The following CARD14 variants were observed in gnomAD, a reference collection of about 807,000 sequenced individuals.
The protein encoded by CARD14 is caspase recruitment domain family member 14, also known as caspase recruitment domain-containing protein 14.
A neutral mutation model predicts 111.5 loss-of-function variants in CARD14; 107 were observed. The ratio of observed to expected loss-of-function variants is 0.96; its 90% CI spans 0.82 to 1.13. CARD14 has a LOEUF of 1.13. CARD14 is among the 50% of genes most tolerant of loss of function. CARD14 has a pLI of 0.00. For synonymous variants in CARD14, 617 were observed against 579.6 expected, an observed-to-expected ratio of 1.06 and a Z score of -0.93; for missense variants, 1,322 against 1,362.3, an observed-to-expected ratio of 0.97 and a Z score of 0.47.
chr17:80,201,645 C>A lies in CARD14; in HGVS notation c.1852-99C>A. The A allele has an allele frequency of 2.3e-6, 3 of 1,297,984 alleles. No homozygotes were observed. The highest frequency in any genetic ancestry group is 3.3e-6 in the Non-Finnish European group (3 of 901,054). The allele number at this position is 1,297,984 out of a possible 1,614,324, so 80.4% of individuals were successfully genotyped here. On this transcript the variant is annotated intron_variant, in intron 16 of 23. Coordinates refer to ENST00000648509, the MANE Select transcript of CARD14 (RefSeq NM_001366385.1). This position sits in a 1 kb window ranked among gnomAD's most constrained non-coding sequence, Gnocchi z 5.0. The stretch of plus-strand genomic sequence containing the variant: ...TGCAGGCAGTGGTCCTACGGCAGGG[C>A]TGGCCCGCGCCTCGCCTCAGTGCCC...
chr17:80,209,236 C>G lies in CARD14; in HGVS notation c.*891C>G. On this transcript the variant is annotated 3_prime_UTR_variant, in exon 24 of 24. Coordinates refer to ENST00000648509, the MANE Select transcript of CARD14 (RefSeq NM_001366385.1). Reference sequence around the variant, plus strand: ...CATTTTGACAGCAGTGTCCAAGAATCAGGAAGCTGTTCTAGAATTCAGGTT... The same window carrying G: ...CATTTTGACAGCAGTGTCCAAGAATGAGGAAGCTGTTCTAGAATTCAGGTT... 1.2e-6 allele frequency: 1 copy of G among 859,454 alleles called. No homozygotes were observed. Among genetic ancestry groups the G allele is most frequent in the Non-Finnish European group, 1.4e-6 (1 of 714,938 alleles). 53.2% of individuals were successfully genotyped at this position (859,454 alleles called of 1,614,324 possible). A position where few individuals can be genotyped will look rare whatever the true frequency, so the allele number is the denominator to read the frequency against.
chr17:80,196,777 G>A (rs2144330332), intron 14 of CARD14: 1 of 152,542 alleles, frequency 6.6e-6, no homozygotes, highest in African/African-American at 2.4e-5. Context: ...GCCACCACCA[G>A]CTGGGAAGCA....
At position 80,195,647 on chromosome 17, in the gene CARD14, C is replaced by G. The variant is rs373004800; in HGVS notation, c.1589C>G (p.Thr530Arg). The G allele has an allele frequency of 1.2e-6, 2 of 1,612,182 alleles. No homozygotes were observed. Among genetic ancestry groups the G allele is most frequent in the Non-Finnish European group, 1.7e-6 (2 of 1,179,240 alleles). ...CACCTGGATTATGAGCTCCTAGACA[C>G]GGCAGGTGAGCACGCCCAACCCTGA... is the stretch of plus-strand genomic sequence containing the variant. Reference protein sequence around the residue: ...DPHLDYELLDTADLPQLESSL... With the variant: ...DPHLDYELLDRADLPQLESSL... Residue 530 changes from threonine (T) to arginine (R), a missense_variant, in exon 14 of 24, where the codon ACG (threonine) becomes AGG (arginine). By Grantham distance (71) the Thr-to-Arg change is moderately conservative (BLOSUM62 -1). Transcript: ENST00000648509. The surrounding 1 kb of genome is among the most constrained non-coding windows in gnomAD (Gnocchi z 4.7).
At chr17:80,171,819 G>A (rs12450100) in intron 1 of CARD14, among the ~76,000 whole-genome samples, 38,518 of 152,076 alleles carry the variant, frequency 0.25, 5,062 homozygotes, top group Middle Eastern at 0.31. Context: ...CAGTCTGATG[G>A]GAGGGCACAG....
intron 2 of CARD14, among the ~76,000 whole-genome samples, chr17:80,177,396 A>G (rs1360377384): frequency 6.6e-6 from 1 of 151,352 alleles, no homozygotes; most frequent in Non-Finnish European, 1.5e-5. Context: ...CTGGCTAATT[A>G]AAAAAAAAAT....
At position 80,204,341 on chromosome 17, in the gene CARD14, G is replaced by T; in HGVS notation, c.2398G>T (p.Gly800Cys). The T allele has an allele frequency of 1.3e-6, 2 of 1,552,882 alleles. No homozygotes were observed. Among genetic ancestry groups the T allele is most frequent in the South Asian group, 2.3e-5 (2 of 85,238 alleles). ...RGQLDPSRME[G>C]SSTCFWAESC... ...CCAGTTGGACCCCAGCAGGATGGAGGGTGAGGCCTGGTGAGCTGGCACAGG... is the reference window on the plus strand; with the variant it reads ...CCAGTTGGACCCCAGCAGGATGGAGTGTGAGGCCTGGTGAGCTGGCACAGG... The change falls in exon 20 of 24, where the codon GGC becomes TGC. Residue 800 changes from glycine to cysteine, a missense_variant and splice_region_variant. By Grantham distance (159) the Gly-to-Cys change is radical (BLOSUM62 -3). Transcript: ENST00000648509.
At chr17:80,186,153 C>T (rs919891451) in intron 7 of CARD14, among the ~76,000 whole-genome samples, 12 of 152,228 alleles carry the variant, frequency 7.9e-5, no homozygotes, top group African/African-American at 2.7e-4. Flanking sequence ...CTGTGAATGA[C>T]GACCGTGCCA....
chr17:80,204,638 AAT>A, intron 20 of CARD14: 1 of 361,772 alleles, frequency 2.8e-6, no homozygotes. Context: ...AAAAAAAAAA[AAT>A]TTCAGGAGAG....
chr17:80,201,644 G>GC lies in CARD14; in HGVS notation c.1852-99dup. ...GTGCAGGCAGTGGTCCTACGGCAGGGCTGGCCCGCGCCTCGCCTCAGTGCC... is the reference window on the plus strand; with the variant it reads ...GTGCAGGCAGTGGTCCTACGGCAGGGCCTGGCCCGCGCCTCGCCTCAGTGCC... On this transcript the variant is annotated intron_variant, in intron 16 of 23. Coordinates refer to ENST00000648509, the MANE Select transcript of CARD14 (RefSeq NM_001366385.1). The surrounding 1 kb of genome is among the most constrained non-coding windows in gnomAD (Gnocchi z 5.0). 7.8e-7 allele frequency: 1 copy of GC among 1,287,970 alleles called. No individual in the cohort carries two copies. Among genetic ancestry groups the GC allele is most frequent in the Non-Finnish European group, 1.1e-6 (1 of 891,344 alleles). The allele number at this position is 1,287,970 out of a possible 1,614,324, so 79.8% of individuals were successfully genotyped here.
chr17:80,206,717 A>T (rs564261546), intron 22 of CARD14: 15 of 211,344 alleles, frequency 7.1e-5, no homozygotes, highest in Non-Finnish European at 1.0e-4. Flanking sequence ...CAGTGAGCCG[A>T]GATCGCGCCA....
chr17:80,187,680 C>A, intron 7 of CARD14: 1 of 889,804 alleles, frequency 1.1e-6, no homozygotes, highest in Non-Finnish European at 1.3e-6. Flanking sequence ...GCACCCACCC[C>A]GACGTGCAGA....
chr17:80,206,753 C>T (rs886948908), intron 22 of CARD14: 13 of 306,292 alleles, frequency 4.2e-5, no homozygotes, highest in Non-Finnish European at 7.2e-5. Flanking sequence ...GGCGACAGAG[C>T]GAGACTCCGT....
intron 1 of CARD14, among the ~76,000 whole-genome samples, chr17:80,172,440 C>T (rs2144068097): frequency 6.6e-6 from 1 of 152,310 alleles, no homozygotes; most frequent in African/African-American, 2.4e-5. Flanking sequence ...CTAGACCAGC[C>T]AAGACTTCCT....
chr17:80,195,880 GT>G lies in CARD14; in HGVS notation c.1594+233del. On this transcript the variant is annotated intron_variant, in intron 14 of 23. Transcript: ENST00000648509. This position sits in a 1 kb window ranked among gnomAD's most constrained non-coding sequence, Gnocchi z 4.7. Reference sequence around the variant, plus strand: ...GCGCTCTGTCTGCTGGTGTCCTTGTGTTTTTCCCTAGAGCCAGGGGAGTTGT... The same window carrying G: ...GCGCTCTGTCTGCTGGTGTCCTTGTGTTTTCCCTAGAGCCAGGGGAGTTGT... 3.7e-6 allele frequency: 2 copies of G among 541,836 alleles called. No homozygotes were observed. The highest frequency in any genetic ancestry group is 6.6e-6 in the Non-Finnish European group (2 of 304,456). The allele number at this position is 541,836 out of a possible 1,614,324, so 33.6% of individuals were successfully genotyped here. A position where few individuals can be genotyped will look rare whatever the true frequency, so the allele number is the denominator to read the frequency against.
intron 22 of CARD14, chr17:80,205,928 G>C (rs1389906193): frequency 9.1e-6 from 3 of 329,846 alleles, no homozygotes; most frequent in Non-Finnish European, 1.7e-5. Context: ...ATAAATCCGA[G>C]CTAACAACAC....
rs879651817 is a variant in CARD14, at chr17:80,198,246, C to A, written c.1658+84C>A. 5.8e-6 allele frequency: 9 copies of A among 1,560,658 alleles called. No individual in the cohort carries two copies. The highest frequency in any genetic ancestry group is 1.4e-5 in the African/African-American group (1 of 73,904). ...AGAGCAGAGGGTGAGTGTCCTATTACCAATGGGAGGCAACAGCCTTTCCAA... is the reference window on the plus strand; with the variant it reads ...AGAGCAGAGGGTGAGTGTCCTATTAACAATGGGAGGCAACAGCCTTTCCAA... On this transcript the variant is annotated intron_variant, in intron 15 of 23. Coordinates refer to ENST00000648509, the MANE Select transcript of CARD14 (RefSeq NM_001366385.1). The surrounding 1 kb of genome is among the most constrained non-coding windows in gnomAD (Gnocchi z 7.5).
chr17:80,205,509 C>T lies in CARD14; in HGVS notation c.2570-22C>T, dbSNP rs559322868. 9.5e-6 allele frequency: 15 copies of T among 1,577,196 alleles called. No homozygotes were observed. The African/African-American group carries it at 1.9e-4, about 20-fold the overall frequency. On this transcript the variant is annotated intron_variant, in intron 21 of 23. Coordinates refer to ENST00000648509, the MANE Select transcript of CARD14 (RefSeq NM_001366385.1). The stretch of plus-strand genomic sequence containing the variant: ...CCCCCACACAGCTGGTCTATGATGG[C>T]CCCGTCCAATGTCACCTGTAGAGTA...
chr17:80,184,831 C>A (rs572593478), intron 7 of CARD14, among the ~76,000 whole-genome samples: 1 of 141,086 alleles, frequency 7.1e-6, no homozygotes, highest in Non-Finnish European at 1.5e-5. Flanking sequence ...TGGACTCAGG[C>A]GGGATAGTTG....
chr17:80,173,567 G>C (rs955241764), intron 2 of CARD14, among the ~76,000 whole-genome samples: 6 of 151,622 alleles, frequency 4.0e-5, no homozygotes, highest in Non-Finnish European at 8.8e-5. Context: ...TCCTTGAGGA[G>C]CTGGGCTAAC....
Sources: gnomAD v4.1 joint callset for allele counts (sites outside exome capture counted in the v4.1 genomes callset) on GRCh38, gnomAD v4.1.1 for gene constraint, Gnocchi (gnomAD v3.1) non-coding constraint, MANE v1.5 for transcripts, NCBI Gene and HGNC (gene_info 2026-07-23, HGNC 2026-07-21) for gene names.